The following GIGYF2 variants were observed in gnomAD, a reference collection of about 807,000 sequenced individuals.
GIGYF2 encodes the protein GRB10-interacting GYF protein 2.
Under a neutral mutation model 208.1 loss-of-function variants are expected in GIGYF2, and 25 were observed. The ratio of observed to expected loss-of-function variants is 0.12; its 90% CI spans 0.09 to 0.17. GIGYF2 has a LOEUF of 0.17. Ranked by LOEUF, GIGYF2 falls within the 10% of genes least tolerant of loss-of-function variation. GIGYF2 has a pLI of 1.00. For missense variants in GIGYF2, 1,302 were observed against 1,579.4 expected (o/e 0.82, Z 2.98); for synonymous variants, 534 against 543.8 (o/e 0.98, Z 0.25).
intron 2 of GIGYF2, among the ~76,000 whole-genome samples, chr2:232,709,086 C>CA (rs1696264504): frequency 6.6e-6 from 1 of 152,120 alleles, no homozygotes; most frequent in African/African-American, 2.4e-5. Flanking sequence ...TGCACCACTG[C>CA]ACTCCAGTCT....
intron 8 of GIGYF2, among the ~76,000 whole-genome samples, chr2:232,776,062 G>A (rs1699498671): frequency 6.7e-6 from 1 of 150,204 alleles, no homozygotes; most frequent in Admixed American, 6.7e-5. Flanking sequence ...AAACAAAGTG[G>A]CTTATTCTTT....
intron 12 of GIGYF2, 43 bp from the exon 13 acceptor site, chr2:232,794,705 T>C: frequency 6.9e-7 from 1 of 1,446,172 alleles, no homozygotes; most frequent in East Asian, 2.3e-5. Flanking sequence ...TTCACAGAAG[T>C]CTCTGTATTT....
Position 232,839,963 on chromosome 2 carries a change from C to T in GIGYF2, c.2881C>T (p.Arg961Ter). ...AGAGGAAGAACGAGAACGGCAGCTT[C>T]GAGAAGAGGTAAAATTTTAAAGTAA... ...KLEEERERQL[R>*]EEQRRQQREL... Residue 961 changes from arginine to a stop codon, truncating the protein, a stop_gained, in exon 23 of 29, where the codon CGA (arginine) becomes TGA (stop). Transcript: ENST00000373563. LOFTEE classifies it high-confidence loss of function. The T allele has an allele frequency of 6.2e-7, 1 of 1,613,782 alleles. No homozygotes were observed. The highest frequency in any genetic ancestry group is 8.5e-7 in the Non-Finnish European group (1 of 1,179,894).
chr2:232,756,806 A>G (rs1275543020), intron 6 of GIGYF2, among the ~76,000 whole-genome samples: 15 of 152,228 alleles, frequency 9.9e-5, no homozygotes, highest in Non-Finnish European at 2.9e-5. Flanking sequence ...AAAAAAGATA[A>G]TTCTGCCACA....
At chr2:232,737,911 T>C (rs1697804683) in intron 3 of GIGYF2, among the ~76,000 whole-genome samples, 1 of 138,762 alleles carries the variant, frequency 7.2e-6, no homozygotes, top group South Asian at 2.3e-4. Flanking sequence ...CTTTAACTTT[T>C]TTTTTTTTTT....
chr2:232,800,724 A>G (rs1196573425), intron 14 of GIGYF2, among the ~76,000 whole-genome samples: 2 of 151,750 alleles, frequency 1.3e-5, no homozygotes, highest in Admixed American at 6.6e-5. Flanking sequence ...AGCACACACC[A>G]CCATACTCAG....
At chr2:232,831,461 A>G (rs902519599) in intron 21 of GIGYF2, among the ~76,000 whole-genome samples, 5 of 152,198 alleles carry the variant, frequency 3.3e-5, no homozygotes, top group African/African-American at 7.2e-5. Context: ...CTGGTGGAGT[A>G]TAAGACTTTT....
chr2:232,838,242 G>A (rs1701709995), intron 22 of GIGYF2, among the ~76,000 whole-genome samples: 1 of 152,050 alleles, frequency 6.6e-6, no homozygotes, highest in African/African-American at 2.4e-5. Context: ...TAGAGAAAGA[G>A]CGTGTGTATG....
intron 8 of GIGYF2, chr2:232,771,118 T>A (rs764509761): frequency 6.2e-7 from 1 of 1,614,104 alleles, no homozygotes; most frequent in Non-Finnish European, 8.5e-7. Context: ...CAGATCACCA[T>A]TCATCTCAGC....
intron 2 of GIGYF2, among the ~76,000 whole-genome samples, chr2:232,716,813 G>GT (rs59891083): frequency 1.5e-4 from 22 of 149,126 alleles, no homozygotes; most frequent in Non-Finnish European, 1.6e-4. Context: ...GCTCACTGAA[G>GT]TTTTTTTTTT....
chr2:232,835,469 C>T (rs1458209638), intron 22 of GIGYF2, among the ~76,000 whole-genome samples: 2 of 152,132 alleles, frequency 1.3e-5, no homozygotes, highest in Non-Finnish European at 2.9e-5. Flanking sequence ...CTCTCACAGG[C>T]AGTTTTTGTT....
At chr2:232,706,869 C>A (rs1342099771) in intron 2 of GIGYF2, among the ~76,000 whole-genome samples, 1 of 150,202 alleles carries the variant, frequency 6.7e-6, no homozygotes, top group Non-Finnish European at 1.5e-5. Context: ...TCCCTTAGGC[C>A]TGGGAGTTTG....
intron 26 of GIGYF2, among the ~76,000 whole-genome samples, chr2:232,846,138 A>G (rs902276036): frequency 1.3e-5 from 2 of 152,212 alleles, no homozygotes; most frequent in African/African-American, 4.8e-5. Context: ...GATACACAGG[A>G]CAGAGGAGGT....
At chr2:232,763,851 T>C (rs972001894) in intron 8 of GIGYF2, among the ~76,000 whole-genome samples, 3 of 151,308 alleles carry the variant, frequency 2.0e-5, no homozygotes, top group Admixed American at 6.6e-5. Flanking sequence ...AAAAAAGTTA[T>C]GTGAATGTGG....
chr2:232,790,459 C>G (rs1235753481), intron 9 of GIGYF2, among the ~76,000 whole-genome samples: 1 of 152,100 alleles, frequency 6.6e-6, no homozygotes, highest in Middle Eastern at 3.2e-3. Flanking sequence ...TTAGATTTAT[C>G]TTTTAAAGCT....
At chr2:232,742,445 G>A (rs1698002799) in intron 3 of GIGYF2, among the ~76,000 whole-genome samples, 1 of 152,314 alleles carries the variant, frequency 6.6e-6, no homozygotes, top group East Asian at 1.9e-4. Flanking sequence ...GGAGGCTGAG[G>A]CAGGAGAACT....
chr2:232,727,604 C>T (rs1697262444), intron 2 of GIGYF2, among the ~76,000 whole-genome samples: 1 of 152,116 alleles, frequency 6.6e-6, no homozygotes. Flanking sequence ...GGGGAGAAAA[C>T]TAGAGTCAGT....
intron 8 of GIGYF2, chr2:232,768,874 T>C: frequency 7.1e-7 from 1 of 1,416,086 alleles, no homozygotes. Context: ...ATACTTTTTC[T>C]GAATGACAAG....
At chr2:232,841,861 C>G (rs1370430271) in intron 23 of GIGYF2, among the ~76,000 whole-genome samples, 11 of 152,026 alleles carry the variant, frequency 7.2e-5, no homozygotes, top group African/African-American at 2.7e-4. Flanking sequence ...ATGTTTCTCC[C>G]AGGACTGATT....
Sources: allele counts gnomAD v4.1 joint callset (sites outside exome capture counted in the v4.1 genomes callset), GRCh38; gene constraint gnomAD v4.1.1; transcripts MANE v1.5; gene names NCBI Gene and HGNC (gene_info 2026-07-23, HGNC 2026-07-21).